ERBB4: variants seen among roughly 807,000 people sequenced by gnomAD.
The protein encoded by ERBB4 is erb-b2 receptor tyrosine kinase 4.
ERBB4 carries 42 observed loss-of-function variants against 158.0 expected under a neutral mutation model. The ratio of observed to expected loss-of-function variants is 0.27; its 90% CI spans 0.21 to 0.34. The LOEUF is 0.34. ERBB4 is among the 10% of genes least tolerant of loss of function. The probability of loss-of-function intolerance (pLI) is 1.00; values close to 1 mark genes in which losing one functional copy is unlikely to be tolerated. For missense variants in ERBB4, 1,333 were observed against 1,624.1 expected (o/e 0.82, Z 3.08); for synonymous variants, 583 against 558.7 (o/e 1.04, Z -0.61).
At chr2:212,349,287 T>TCTCACACACA (rs373195887) in intron 1 of ERBB4, among the ~76,000 whole-genome samples, 3 of 146,376 alleles carry the variant, frequency 2.0e-5, no homozygotes, top group Non-Finnish European at 4.5e-5. Context: ...AACTTCTTAA[T>TCTCACACACA]CACACACACA....
chr2:212,523,621 G>A (rs974591993), intron 1 of ERBB4, among the ~76,000 whole-genome samples: 1 of 152,010 alleles, frequency 6.6e-6, no homozygotes, highest in Non-Finnish European at 1.5e-5. Context: ...CAGGTAGGAT[G>A]ATGAGGAGCA....
chr2:212,364,255 T>C (rs1323075890), intron 1 of ERBB4, among the ~76,000 whole-genome samples: 1 of 151,674 alleles, frequency 6.6e-6, no homozygotes, highest in Admixed American at 6.6e-5. Context: ...AGAGCATGTA[T>C]TGCCAAAATT....
At chr2:211,819,332 T>C (rs889281941) in intron 3 of ERBB4, among the ~76,000 whole-genome samples, 1 of 151,872 alleles carries the variant, frequency 6.6e-6, no homozygotes, top group South Asian at 2.1e-4. Flanking sequence ...CAGGAAGATA[T>C]AAAAATAAAT....
At chr2:212,180,796 T>G (rs2081834950) in intron 1 of ERBB4, among the ~76,000 whole-genome samples, 1 of 151,716 alleles carries the variant, frequency 6.6e-6, no homozygotes, top group African/African-American at 2.4e-5. Flanking sequence ...TTCAACTGTA[T>G]GTTTCCTAAG....
chr2:211,892,775 CAGAG>C (rs2079001808), intron 3 of ERBB4, among the ~76,000 whole-genome samples: 1 of 143,916 alleles, frequency 6.9e-6, no homozygotes, highest in African/African-American at 2.7e-5. Flanking sequence ...AACAGACAAA[CAGAG>C]AGCCAAATCA....
chr2:212,387,749 G>A (rs1268926351), intron 1 of ERBB4, among the ~76,000 whole-genome samples: 4 of 151,960 alleles, frequency 2.6e-5, no homozygotes, highest in Admixed American at 2.6e-4. Flanking sequence ...TGAACATTTT[G>A]AATTCAGTTT....
At chr2:211,680,002 C>T (rs906927660) in intron 12 of ERBB4, among the ~76,000 whole-genome samples, 4 of 152,106 alleles carry the variant, frequency 2.6e-5, no homozygotes, top group Admixed American at 2.0e-4. Flanking sequence ...TCTACAGGAC[C>T]CTGCTGTATT....
chr2:211,509,527 A>G (rs918519387), intron 20 of ERBB4, among the ~76,000 whole-genome samples: 2 of 152,098 alleles, frequency 1.3e-5, no homozygotes, highest in South Asian at 2.1e-4. Flanking sequence ...CATTCTGGAT[A>G]TCAGCCTTGG....
At chr2:212,533,353 G>A (rs1164889422) in intron 1 of ERBB4, among the ~76,000 whole-genome samples, 1 of 152,160 alleles carries the variant, frequency 6.6e-6, no homozygotes, top group East Asian at 1.9e-4. Context: ...AAACTGTACA[G>A]TGCAGAAATA....
At chr2:212,003,118 AAGGAAGGAAGGAAGGAAGGAAGGAAG>A (rs2076149470) in intron 2 of ERBB4, among the ~76,000 whole-genome samples, 1 of 15,652 alleles carries the variant, frequency 6.4e-5, no homozygotes, top group African/African-American at 1.3e-4. Context: ...AGAAAGAAGG[AAGGAAGGAAGGAAGGAAGGAAGGAAG>A]GAAGGAAAGA....
intron 2 of ERBB4, among the ~76,000 whole-genome samples, chr2:212,024,710 CAT>C (rs2076734117): frequency 6.6e-6 from 1 of 151,902 alleles, no homozygotes; most frequent in African/African-American, 2.4e-5. Context: ...GTGGATAAAT[CAT>C]GTGACATATT....
chr2:212,398,592 T>C (rs2091097613), intron 1 of ERBB4, among the ~76,000 whole-genome samples: 1 of 152,184 alleles, frequency 6.6e-6, no homozygotes, highest in African/African-American at 2.4e-5. Flanking sequence ...TGGAGCTAAA[T>C]GTTTTATTGC....
At chr2:212,144,221 C>T (rs1416372769) in intron 1 of ERBB4, among the ~76,000 whole-genome samples, 1 of 152,004 alleles carries the variant, frequency 6.6e-6, no homozygotes, top group African/African-American at 2.4e-5. Context: ...TGTATACTCA[C>T]ATTAATACAC....
At chr2:211,543,808 T>C (rs1362573654) in intron 20 of ERBB4, among the ~76,000 whole-genome samples, 2 of 151,386 alleles carry the variant, frequency 1.3e-5, no homozygotes, top group African/African-American at 4.8e-5. Flanking sequence ...TTTTCAATAA[T>C]GTTTCTCCAA....
At chr2:211,963,009 T>G (rs78028103) in intron 2 of ERBB4, among the ~76,000 whole-genome samples, 2 of 152,190 alleles carry the variant, frequency 1.3e-5, no homozygotes, top group Non-Finnish European at 2.9e-5. Flanking sequence ...GTACCTAATA[T>G]GTTTTTCTGT....
intron 12 of ERBB4, among the ~76,000 whole-genome samples, chr2:211,697,118 TC>T (rs2073056760): frequency 1.0e-4 from 15 of 148,126 alleles, no homozygotes; most frequent in Middle Eastern, 3.5e-3. Context: ...TGTATACTCA[TC>T]TGCAAATGCA....
At chr2:212,200,076 T>A (rs2082547718) in intron 1 of ERBB4, among the ~76,000 whole-genome samples, 1 of 152,158 alleles carries the variant, frequency 6.6e-6, no homozygotes, top group African/African-American at 2.4e-5. Flanking sequence ...CTGTTAAAGG[T>A]CATGGCAGCT....
intron 16 of ERBB4, among the ~76,000 whole-genome samples, chr2:211,650,054 T>C (rs1188239152): frequency 6.6e-6 from 1 of 152,022 alleles, no homozygotes; most frequent in Non-Finnish European, 1.5e-5. Flanking sequence ...AATTAATATC[T>C]ACACATCATT....
rs1010499132 is a variant in ERBB4 at position 211,398,419 on chromosome 2, A to G, written c.3136-10427T>C. 2.6e-5 allele frequency among the ~76,000 whole-genome samples: 4 copies of G among 152,288 alleles called. No individual in the cohort carries two copies. The East Asian group carries it at 7.7e-4, about 29-fold the overall frequency. On this transcript the variant is annotated intron_variant, in intron 25 of 27. Coordinates refer to ENST00000342788, the MANE Select transcript of ERBB4 (RefSeq NM_005235.3). ...CTAGGATGCACTAAGGAAAACAGGC[A>G]CTTATGAAAATCTTAATTATGGTAC...
Sources: allele counts gnomAD v4.1 joint callset (sites outside exome capture counted in the v4.1 genomes callset), GRCh38; gene constraint gnomAD v4.1.1; transcripts MANE v1.5; gene names NCBI Gene and HGNC (gene_info 2026-07-23, HGNC 2026-07-21).